NRG3: variants seen among roughly 807,000 people sequenced by gnomAD.
The protein encoded by NRG3 is neuregulin 3.
In NRG3, 31 loss-of-function variants were observed where a neutral mutation model predicts 66.9. The ratio of observed to expected loss-of-function variants is 0.46; its 90% CI spans 0.35 to 0.63. NRG3 has a LOEUF of 0.63. NRG3 is among the 20% of genes least tolerant of loss of function. NRG3 has a pLI of 0.00. For missense variants in NRG3, 910 were observed against 878.9 expected (o/e 1.04, Z -0.45); for synonymous variants, 393 against 359.4 (o/e 1.09, Z -1.06).
chr10:82,683,762 T>C (rs2054292130), intron 2 of NRG3, among the ~76,000 whole-genome samples: 1 of 152,246 alleles, frequency 6.6e-6, no homozygotes. Flanking sequence ...CTTGTATTTT[T>C]GTGGTGAAAT....
At chr10:82,158,535 G>A (rs2071346264) in intron 1 of NRG3, among the ~76,000 whole-genome samples, 1 of 151,754 alleles carries the variant, frequency 6.6e-6, no homozygotes, top group Non-Finnish European at 1.5e-5. Context: ...TCTTTTCATG[G>A]AAGTGTGTCT....
At chr10:82,785,380 A>G (rs1226435335) in intron 3 of NRG3, among the ~76,000 whole-genome samples, 1 of 151,678 alleles carries the variant, frequency 6.6e-6, no homozygotes, top group Non-Finnish European at 1.5e-5. Flanking sequence ...AAATTAAATT[A>G]AATTAAATTA....
intron 1 of NRG3, among the ~76,000 whole-genome samples, chr10:82,275,107 A>G (rs116010078): frequency 1.7e-4 from 26 of 152,190 alleles, no homozygotes; most frequent in African/African-American, 5.8e-4. Flanking sequence ...TAAAGCTCCA[A>G]TACAGCTTTG....
intron 1 of NRG3, among the ~76,000 whole-genome samples, chr10:82,114,032 T>G (rs969266273): frequency 6.6e-6 from 1 of 152,200 alleles, no homozygotes. Context: ...ACTTTGTCTG[T>G]CTATCAGTCT....
At chr10:82,383,382 C>A (rs547899911) in intron 2 of NRG3, among the ~76,000 whole-genome samples, 16 of 151,580 alleles carry the variant, frequency 1.1e-4, no homozygotes, top group Non-Finnish European at 4.4e-5. Flanking sequence ...TGAATTCATA[C>A]CTAAATTTAT....
chr10:82,318,670 A>G (rs1290425701), intron 1 of NRG3, among the ~76,000 whole-genome samples: 1 of 152,142 alleles, frequency 6.6e-6, no homozygotes, highest in Non-Finnish European at 1.5e-5. Flanking sequence ...AGACAGATCC[A>G]CTGCTCTTTG....
At chr10:82,736,610 A>G (rs142416375) in intron 2 of NRG3, among the ~76,000 whole-genome samples, 48 of 152,308 alleles carry the variant, frequency 3.2e-4, no homozygotes, top group African/African-American at 1.1e-3. Context: ...TTTTCCTGAT[A>G]CCCCATGAGG....
chr10:82,821,909 G>A (rs916185272), intron 3 of NRG3, among the ~76,000 whole-genome samples: 8 of 152,104 alleles, frequency 5.3e-5, no homozygotes, highest in African/African-American at 1.7e-4. Flanking sequence ...TGAATATGGT[G>A]GAAAGGTTGA....
rs2090492968 is a variant in NRG3, at chr10:82,442,698, T to A, written c.953+83830T>A. Among the ~76,000 whole-genome samples, 2 of 150,000 alleles carry A rather than the reference T, an allele frequency of 1.3e-5. 1 individual carries two copies. The highest frequency in any genetic ancestry group is 4.2e-4 in the South Asian group (2 of 4,770). ...AGTCAGAGTCTACACATTTATCAAA[T>A]TCATCAGCCAGAAATCTTATCAGAA... On this transcript the variant is annotated intron_variant, in intron 2 of 8. Transcript: ENST00000372141.
chr10:81,933,665 C>T (rs908295344), intron 1 of NRG3, among the ~76,000 whole-genome samples: 10 of 152,088 alleles, frequency 6.6e-5, no homozygotes, highest in Admixed American at 6.6e-4. Context: ...TTTCAGGCAC[C>T]TCTTCTCAGT....
At chr10:82,656,867 G>T (rs2051909660) in intron 2 of NRG3, among the ~76,000 whole-genome samples, 1 of 152,054 alleles carries the variant, frequency 6.6e-6, no homozygotes, top group African/African-American at 2.4e-5. Context: ...ACTTAAGCCA[G>T]GTCATGATGT....
intron 1 of NRG3, among the ~76,000 whole-genome samples, chr10:82,000,236 A>G (rs982492554): frequency 4.8e-4 from 73 of 152,328 alleles, no homozygotes; most frequent in African/African-American, 1.7e-3. Context: ...AAGATTGTAT[A>G]TACATTTTTG....
chr10:82,006,605 T>C (rs1462580472), intron 1 of NRG3, among the ~76,000 whole-genome samples: 1 of 152,184 alleles, frequency 6.6e-6, no homozygotes, highest in Non-Finnish European at 1.5e-5. Context: ...AAGTTACTTT[T>C]TTTGTTTTTG....
At chr10:81,975,017 C>G (rs2060065275) in intron 1 of NRG3, among the ~76,000 whole-genome samples, 1 of 151,214 alleles carries the variant, frequency 6.6e-6, no homozygotes, top group South Asian at 2.1e-4. Context: ...GTTTTAGTAT[C>G]TTATTGGAAA....
At chr10:82,035,172 C>T (rs938287543) in intron 1 of NRG3, among the ~76,000 whole-genome samples, 2 of 151,978 alleles carry the variant, frequency 1.3e-5, no homozygotes, top group Non-Finnish European at 2.9e-5. Context: ...CTTCAGAATT[C>T]CAGAGAGTGA....
chr10:82,544,867 C>T (rs2043789371), intron 2 of NRG3, among the ~76,000 whole-genome samples: 1 of 152,184 alleles, frequency 6.6e-6, no homozygotes, highest in African/African-American at 2.4e-5. Context: ...GTTTCTGTAA[C>T]TTTAACATGA....
At position 82,719,872 on chromosome 10, in the gene NRG3, T is replaced by G. The variant is rs149204448; in HGVS notation, c.954-18705T>G. Among the ~76,000 whole-genome samples the G allele has an allele frequency of 1.6e-3, 251 of 152,328 alleles. 1 individual carries two copies. The highest frequency in any genetic ancestry group is 4.9e-3 in the African/African-American group (204 of 41,580). Reference sequence around the variant, plus strand: ...TTTTCTGGGTATACCAACTCTTGCTTTCTCAGTATATTTAATATTGAGTGA... The same window carrying G: ...TTTTCTGGGTATACCAACTCTTGCTGTCTCAGTATATTTAATATTGAGTGA... On this transcript the variant is annotated intron_variant, in intron 2 of 8. Transcript: ENST00000372141.
chr10:82,007,822 C>G (rs1057074636), intron 1 of NRG3, among the ~76,000 whole-genome samples: 3 of 152,100 alleles, frequency 2.0e-5, no homozygotes, highest in Non-Finnish European at 4.4e-5. Flanking sequence ...ACTTTTTCAC[C>G]TGTTATCGTG....
chr10:82,965,525 C>G (rs1380989961), intron 6 of NRG3, among the ~76,000 whole-genome samples: 1 of 152,118 alleles, frequency 6.6e-6, no homozygotes, highest in Admixed American at 6.6e-5. Context: ...CACTTGAAGT[C>G]AAGAGTTTGA....
Sources: gnomAD v4.1 joint callset for allele counts (sites outside exome capture counted in the v4.1 genomes callset) on GRCh38, gnomAD v4.1.1 for gene constraint, MANE v1.5 for transcripts, NCBI Gene and HGNC (gene_info 2026-07-23, HGNC 2026-07-21) for gene names.